FAM47E: variants seen among roughly 807,000 people sequenced by gnomAD.
The protein encoded by FAM47E is protein FAM47E.
A neutral mutation model predicts 41.6 loss-of-function variants in FAM47E; 32 were observed. The ratio of observed to expected loss-of-function variants is 0.77; its 90% confidence interval spans 0.58 to 1.03. The LOEUF (loss-of-function observed/expected upper bound fraction) is 1.03, where lower values mean the gene tolerates loss of function less well. FAM47E is among the 50% of genes least tolerant of loss of function. The pLI, the probability that FAM47E is intolerant of heterozygous loss-of-function variation, is 0.00. For synonymous variants in FAM47E, 184 were observed against 188.7 expected (o/e 0.98, Z 0.20); for missense variants, 424 against 485.4 (o/e 0.87, Z 1.19).
chr4:76,244,014 T>C (rs1454682767), intron 2 of FAM47E, among the ~76,000 whole-genome samples: 1 of 152,238 alleles, frequency 6.6e-6, no homozygotes, highest in Non-Finnish European at 1.5e-5. Flanking sequence ...GTTCTTGTGA[T>C]AGTTTGCTGA....
At position 76,222,551 on chromosome 4, in the gene FAM47E, C is replaced by G. The variant is rs117264030; in HGVS notation, c.81+4863C>G. ...CCTTTTTCCTATCTTCTCCTTAGTC[C>G]TTAACTCTCCGCTGCCTCCACCAGC... On this transcript the variant is annotated intron_variant, in intron 2 of 7. Coordinates refer to the FAM47E transcript ENST00000510197. Among the ~76,000 whole-genome samples, 177 of 152,260 alleles carry G rather than the reference C, an allele frequency of 1.2e-3. 1 individual carries two copies. In the East Asian group the frequency reaches 0.019, roughly 16 times the overall value.
At position 76,256,299 on chromosome 4, in the gene FAM47E, G is replaced by T. The variant is rs545117312; in HGVS notation, c.196G>T (p.Val66Leu). 6.4e-7 allele frequency: 1 copy of T among 1,551,688 alleles called. No individual in the cohort carries two copies. The highest frequency in any genetic ancestry group is 1.4e-5 in the African/African-American group (1 of 73,128). The change falls in exon 2 of 8, where the codon GTG becomes TTG. Residue 66 changes from valine to leucine, a missense_variant. Val to Leu is a conservative substitution (Grantham distance 32). Transcript: ENST00000424749. ...GGGCTGCCCGCCTTGCACTGGTCTGGTGACTCAGGTCCCTGTGGAGGGCTT... is the reference window on the plus strand; with the variant it reads ...GGGCTGCCCGCCTTGCACTGGTCTGTTGACTCAGGTCCCTGTGGAGGGCTT... ...RKGCPPCTGL[V>L]TQVPVEGFLP...
intron 3 of FAM47E, among the ~76,000 whole-genome samples, chr4:76,265,118 A>C (rs1352598933): frequency 5.9e-5 from 9 of 152,240 alleles, no homozygotes; most frequent in Admixed American, 5.9e-4. Context: ...TTTTAGGGTA[A>C]GACACAAGGT....
chr4:76,245,551 C>T (rs567714411), intron 2 of FAM47E, among the ~76,000 whole-genome samples: 3 of 152,280 alleles, frequency 2.0e-5, no homozygotes, highest in South Asian at 4.1e-4. Flanking sequence ...TAGTGCTTTC[C>T]ACTAGCCGAA....
At chr4:76,256,968 T>G (rs144847024) in intron 2 of FAM47E, among the ~76,000 whole-genome samples, 425 of 152,310 alleles carry the variant, frequency 2.8e-3, no homozygotes, top group Non-Finnish European at 4.4e-3. Flanking sequence ...AGAAAGGTCA[T>G]GGGGAAAATC....
chr4:76,244,574 T>G (rs1302719777), intron 2 of FAM47E, among the ~76,000 whole-genome samples: 1 of 129,436 alleles, frequency 7.7e-6, no homozygotes, highest in Admixed American at 9.4e-5. Flanking sequence ...GGAGTCTCAC[T>G]CTGTTGCCCA....
At chr4:76,234,885 C>T (rs948362888) in intron 2 of FAM47E, among the ~76,000 whole-genome samples, 2 of 152,152 alleles carry the variant, frequency 1.3e-5, no homozygotes, top group African/African-American at 4.8e-5. Context: ...TGTGCCACTG[C>T]ATTCTAGCCT....
intron 2 of FAM47E, among the ~76,000 whole-genome samples, chr4:76,259,402 T>C (rs1734313628): frequency 6.6e-6 from 1 of 152,210 alleles, no homozygotes; most frequent in Admixed American, 6.5e-5. Context: ...AACTAGTGCG[T>C]GTTTCGCTTT....
chr4:76,282,290 T>C (rs910467369), intron 7 of FAM47E: 1 of 151,890 alleles, frequency 6.6e-6, no homozygotes, highest in African/African-American at 2.4e-5. Context: ...CAGAAGGGAG[T>C]ATGCCTTAAC....
At chr4:76,254,484 AG>A (rs1298732267) in intron 1 of FAM47E, among the ~76,000 whole-genome samples, 1 of 152,170 alleles carries the variant, frequency 6.6e-6, no homozygotes. Context: ...AAATGCAGAG[AG>A]TAACTTTTTG....
chr4:76,259,030 A>G (rs1734298499), intron 2 of FAM47E, among the ~76,000 whole-genome samples: 1 of 152,178 alleles, frequency 6.6e-6, no homozygotes, highest in Non-Finnish European at 1.5e-5. Context: ...GGAGATTAGT[A>G]TGTGAGTCTG....
At chr4:76,281,619 T>C (rs1735348603) in intron 7 of FAM47E, 1 of 152,216 alleles carries the variant, frequency 6.6e-6, no homozygotes, top group East Asian at 1.9e-4. Flanking sequence ...ATTGATATTA[T>C]TGTGGCTCAT....
intron 3 of FAM47E, among the ~76,000 whole-genome samples, chr4:76,266,757 T>C (rs1320968683): frequency 6.6e-6 from 1 of 152,226 alleles, no homozygotes; most frequent in Non-Finnish European, 1.5e-5. Flanking sequence ...TACTGTATGA[T>C]TAGGTCCCTG....
chr4:76,259,123 A>G (rs2110008027), intron 2 of FAM47E, among the ~76,000 whole-genome samples: 1 of 152,314 alleles, frequency 6.6e-6, no homozygotes, highest in Admixed American at 6.5e-5. Flanking sequence ...GGTGAAAAAT[A>G]CAAGAGATCT....
chr4:76,254,798 A>G (rs1190493470), intron 1 of FAM47E, among the ~76,000 whole-genome samples: 2 of 152,176 alleles, frequency 1.3e-5, no homozygotes, highest in Non-Finnish European at 2.9e-5. Context: ...GGATAATGAG[A>G]CGCTCAGATT....
chr4:76,280,065 G>C lies in FAM47E; in HGVS notation c.1027-199G>C, dbSNP rs150123217. 3,597 of 440,224 alleles carry C rather than the reference G, an allele frequency of 8.2e-3. 31 individuals carry two copies. Among genetic ancestry groups the C allele is most frequent in the Non-Finnish European group, 0.011 (2,806 of 246,636 alleles). 27.3% of individuals were successfully genotyped at this position (440,224 alleles called of 1,614,324 possible). The stretch of plus-strand genomic sequence containing the variant: ...TAATATGGGGATAAGGAAAAGGCTA[G>C]GGGAAGGAGAGAAAGCTGGACATCT... On this transcript the variant is annotated intron_variant, in intron 6 of 7. Coordinates refer to ENST00000424749, the MANE Select transcript of FAM47E (RefSeq NM_001136570.3).
intron 2 of FAM47E, among the ~76,000 whole-genome samples, chr4:76,218,764 T>G (rs1007678415): frequency 2.2e-4 from 33 of 152,212 alleles, no homozygotes; most frequent in African/African-American, 7.2e-4. Flanking sequence ...TAGTGTTGTC[T>G]AACTAATAGA....
At chr4:76,228,949 CTT>C (rs1365275373) in intron 2 of FAM47E, among the ~76,000 whole-genome samples, 2 of 152,132 alleles carry the variant, frequency 1.3e-5, no homozygotes, top group African/African-American at 4.8e-5. Flanking sequence ...TTAAATTTCT[CTT>C]CTTCCACAGG....
rs111467309 is a variant in FAM47E at position 76,216,764 on chromosome 4, C to G, written c.-29-815C>G. On this transcript the variant is annotated intron_variant, in intron 1 of 7. Transcript: ENST00000510197. Reference sequence around the variant, plus strand: ...GGACAAGCCGAATGAAAATCTCTTTCTTGGTTCTTCTTAACACAGCTGACC... The same window carrying G: ...GGACAAGCCGAATGAAAATCTCTTTGTTGGTTCTTCTTAACACAGCTGACC... Among the ~76,000 whole-genome samples the G allele has an allele frequency of 8.8e-3, 1,346 of 152,316 alleles. 18 individuals carry two copies. The highest frequency in any genetic ancestry group is 0.015 in the Non-Finnish European group (1,019 of 68,022).
Sources: gnomAD v4.1 joint callset for allele counts (sites outside exome capture counted in the v4.1 genomes callset) on GRCh38, gnomAD v4.1.1 for gene constraint, MANE v1.5 for transcripts, NCBI Gene and HGNC (gene_info 2026-07-23, HGNC 2026-07-21) for gene names.